COL6A6: variants seen among roughly 807,000 people sequenced by gnomAD.
COL6A6 encodes collagen alpha-6(VI) chain.
In COL6A6, 183 loss-of-function variants were observed where a neutral mutation model predicts 208.6. The ratio of observed to expected loss-of-function variants is 0.88; its 90% confidence interval spans 0.78 to 0.99. The LOEUF is 0.99. Among genes scored for constraint, COL6A6 ranks in the 50% least tolerant of loss-of-function variants. The pLI, the probability that COL6A6 is intolerant of heterozygous loss-of-function variation, is 0.00. For missense variants in COL6A6, 2,816 were observed against 2,815.2 expected, an observed-to-expected ratio of 1.00 and a Z score of -0.01; for synonymous variants, 973 against 1,011.8, an observed-to-expected ratio of 0.96 and a Z score of 0.73.
intron 36 of COL6A6, among the ~76,000 whole-genome samples, chr3:130,674,520 A>G (rs1474687215): frequency 2.0e-5 from 3 of 152,188 alleles, no homozygotes; most frequent in South Asian, 2.1e-4. Context: ...CTCTATTTCT[A>G]TGTCCCCCAT....
chr3:130,585,767 CAG>C (rs2063526130), intron 10 of COL6A6, among the ~76,000 whole-genome samples: 1 of 152,186 alleles, frequency 6.6e-6, no homozygotes, highest in Non-Finnish European at 1.5e-5. Context: ...GATGTCTTAT[CAG>C]ATCGTACAGA....
intron 10 of COL6A6, among the ~76,000 whole-genome samples, chr3:130,582,933 C>T (rs1405850540): frequency 6.6e-6 from 1 of 152,158 alleles, no homozygotes; most frequent in Non-Finnish European, 1.5e-5. Context: ...AATTTATGCT[C>T]CAGAGCTTCC....
chr3:130,610,602 A>T, intron 22 of COL6A6, 47 bp from the exon 23 acceptor site: 1 of 1,330,524 alleles, frequency 7.5e-7, no homozygotes, highest in Non-Finnish European at 1.1e-6. Flanking sequence ...TTAATATTCA[A>T]TGTTCTCTTT....
rs1247050722 is a variant in COL6A6 at position 130,568,371 on chromosome 3, GAA to G, written c.2170_2171del (p.Lys724ValfsTer9). The stretch of plus-strand genomic sequence containing the variant: ...ACCAAGGGCGCCCGGCCCAACATCA[GAA>G]AGTTTCTCATCCTCATCACGGATGG... On this transcript the variant is annotated frameshift_variant, in exon 6 of 37. Transcript: ENST00000358511. LOFTEE classifies it high-confidence loss of function. 1.2e-6 allele frequency: 2 copies of G among 1,613,946 alleles called. No individual in the cohort carries two copies. Among genetic ancestry groups the G allele is most frequent in the Admixed American group, 3.3e-5 (2 of 60,018 alleles).
chr3:130,622,007 G>T (rs746484303), intron 24 of COL6A6, 124 bp downstream of exon 24: 1 of 783,510 alleles, frequency 1.3e-6, no homozygotes, highest in East Asian at 2.7e-5. Flanking sequence ...TTAAACCCTG[G>T]CTTGATTCTT....
Position 130,542,541 on chromosome 3 carries a change from T to C in COL6A6, c.-31-17793T>C, listed in dbSNP as rs1340977065. On this transcript the variant is annotated intron_variant, in intron 1 of 36. Transcript: ENST00000358511. ...TCTATAGGTATCCATTATATACAGT[T>C]GATTGATGGCATTGTTGAGTTCAGC... Among the ~76,000 whole-genome samples, 3 of 152,342 alleles carry C rather than the reference T, an allele frequency of 2.0e-5. No homozygotes were observed. In the East Asian group the frequency reaches 5.8e-4, roughly 29 times the overall value.
rs543249779 is a variant in COL6A6, at chr3:130,525,318, AT to A, written c.-32+7925del. ...GTCATATTTTTCATGGTAAGAGGAA[AT>A]TTTGACTCAGTATTTTTTAGAAGAG... On this transcript the variant is annotated intron_variant, in intron 1 of 36. Coordinates refer to ENST00000358511, the MANE Select transcript of COL6A6 (RefSeq NM_001102608.3). 9.8e-5 allele frequency among the ~76,000 whole-genome samples: 15 copies of A among 152,322 alleles called. 1 individual carries two copies. The East Asian group carries it at 2.9e-3, about 29-fold the overall frequency.
rs1300443113 is a variant in COL6A6, at chr3:130,634,206, AAAAAAAAT to A, written c.4993-380_4993-373del. ...AAATCTCAAGCTATAAAATGTTAAA[AAAAAAAAT>A]AAATAAATAAATAAATAAATAAATA... is the stretch of plus-strand genomic sequence containing the variant. On this transcript the variant is annotated intron_variant, in intron 26 of 36. Transcript: ENST00000358511. Among the ~76,000 whole-genome samples the A allele has an allele frequency of 1.8e-3, 106 of 57,524 alleles. 6 individuals carry two copies. In the African/African-American group the frequency reaches 0.02, roughly 11 times the overall value. The allele number at this position is 57,524 out of a possible 152,430, so 37.7% of individuals were successfully genotyped here.
chr3:130,606,988 A>G, intron 21 of COL6A6, 22 bp downstream of exon 21: 1 of 1,584,132 alleles, frequency 6.3e-7, no homozygotes, highest in Non-Finnish European at 8.6e-7. Flanking sequence ...TTTCCCCTTA[A>G]CTCCAAATAA....
chr3:130,591,020 T>C (rs1576284467), intron 12 of COL6A6, 21 bp from the exon 13 acceptor site: 1 of 1,556,538 alleles, frequency 6.4e-7, no homozygotes, highest in East Asian at 2.3e-5. Context: ...GCAAATGTTT[T>C]CTTCCTTTTC....
At chr3:130,600,098 A>G (rs561788873) in intron 20 of COL6A6, among the ~76,000 whole-genome samples, 21 of 152,330 alleles carry the variant, frequency 1.4e-4, no homozygotes, top group African/African-American at 4.8e-4. Flanking sequence ...AGTGTGGCCT[A>G]CTAGCTAGGT....
intron 1 of COL6A6, among the ~76,000 whole-genome samples, chr3:130,548,659 C>G (rs2062574732): frequency 6.6e-6 from 1 of 152,232 alleles, no homozygotes; most frequent in South Asian, 2.1e-4. Context: ...CCAGTATTCA[C>G]TGTGAGTTCC....
At chr3:130,594,421 TAC>T in intron 18 of COL6A6, 78 bp downstream of exon 18, 2 of 1,123,832 alleles carry the variant, frequency 1.8e-6, no homozygotes, top group Non-Finnish European at 2.6e-6. Context: ...GATTTCAAGG[TAC>T]TACAATAGTA....
intron 21 of COL6A6, among the ~76,000 whole-genome samples, chr3:130,608,197 A>G (rs2064243363): frequency 6.6e-6 from 1 of 152,220 alleles, no homozygotes; most frequent in African/African-American, 2.4e-5. Context: ...ACTACAGCAC[A>G]TTTCAAGTTT....
intron 1 of COL6A6, among the ~76,000 whole-genome samples, chr3:130,549,406 T>G (rs571893484): frequency 6.6e-6 from 1 of 152,350 alleles, no homozygotes; most frequent in African/African-American, 2.4e-5. Context: ...GGGTCTCATT[T>G]GTCAATTTTT....
In COL6A6 at chr3:130,566,794, C is replaced by A. The variant is rs1328371147; in HGVS notation, c.1375C>A (p.Leu459Met). ...ATDFHEMKTF[L>M]SEVVGMFNIA... ...AGATTTCCATGAAATGAAGACGTTC[C>A]TGTCAGAGGTGGTAGGGATGTTCAA... is the stretch of plus-strand genomic sequence containing the variant. Residue 459 changes from leucine to methionine, a missense_variant, in exon 5 of 37, where the codon CTG becomes ATG. Transcript: ENST00000358511. 1 of 1,613,894 alleles carries A rather than the reference C, an allele frequency of 6.2e-7. No individual in the cohort carries two copies. The highest frequency in any genetic ancestry group is 2.2e-5 in the East Asian group (1 of 44,898).
intron 2 of COL6A6, among the ~76,000 whole-genome samples, chr3:130,562,099 A>G (rs2062903222): frequency 2.0e-5 from 3 of 152,278 alleles, no homozygotes; most frequent in Middle Eastern, 3.4e-3. Context: ...CCACACATAT[A>G]CTTCCCTCCC....
intron 4 of COL6A6, among the ~76,000 whole-genome samples, chr3:130,566,279 G>T (rs1193676693): frequency 6.6e-6 from 1 of 152,156 alleles, no homozygotes; most frequent in Non-Finnish European, 1.5e-5. Context: ...ACTAGGAGCG[G>T]GTAAGGAGTA....
intron 1 of COL6A6, among the ~76,000 whole-genome samples, chr3:130,528,253 G>C (rs1336134591): frequency 6.6e-6 from 1 of 152,166 alleles, no homozygotes; most frequent in East Asian, 1.9e-4. Flanking sequence ...TTGCCAGAGA[G>C]GGTGGCAGTG....
Sources: allele counts gnomAD v4.1 joint callset (sites outside exome capture counted in the v4.1 genomes callset), GRCh38; gene constraint gnomAD v4.1.1; transcripts MANE v1.5; gene names NCBI Gene and HGNC (gene_info 2026-07-23, HGNC 2026-07-21).